Variants in LHFPL3 observed in about 807,000 individuals in gnomAD.
LHFPL3 encodes the protein LHFPL tetraspan subfamily member 3, also known as LHFPL tetraspan subfamily member 3 protein.
A neutral mutation model predicts 19.3 loss-of-function variants in LHFPL3; 5 were observed. The observed-to-expected ratio is 0.26, with a 90% CI of 0.14 to 0.54. The LOEUF (loss-of-function observed/expected upper bound fraction) is 0.54, where lower values mean the gene tolerates loss of function less well. Among genes scored for constraint, LHFPL3 ranks in the 20% least tolerant of loss-of-function variants. LHFPL3 has a pLI of 0.94. For synonymous variants in LHFPL3, 133 were observed against 126.2 expected (o/e 1.05, Z -0.36); for missense variants, 249 against 307.4 (o/e 0.81, Z 1.42).
chr7:104,754,199 T>C (rs919681646), intron 2 of LHFPL3, among the ~76,000 whole-genome samples: 2 of 152,054 alleles, frequency 1.3e-5, no homozygotes, highest in African/African-American at 4.8e-5. Flanking sequence ...TAGCGAAGTG[T>C]ATGGATCTTA....
intron 2 of LHFPL3, among the ~76,000 whole-genome samples, chr7:104,893,251 C>T (rs1297840104): frequency 6.6e-6 from 1 of 151,552 alleles, no homozygotes; most frequent in African/African-American, 2.4e-5. Context: ...CGGTGGCTGA[C>T]ACCTGTAATC....
At chr7:104,521,536 ATGGG>A (rs903469190) in intron 1 of LHFPL3, among the ~76,000 whole-genome samples, 43 of 152,166 alleles carry the variant, frequency 2.8e-4, no homozygotes, top group African/African-American at 9.9e-4. Context: ...AAATTGACAA[ATGGG>A]ATCTAATTAA....
chr7:104,727,785 A>G (rs1158544279), intron 1 of LHFPL3, among the ~76,000 whole-genome samples: 5 of 152,192 alleles, frequency 3.3e-5, no homozygotes, highest in Non-Finnish European at 7.4e-5. Flanking sequence ...GTTCAACCCA[A>G]GTGTAAAAGT....
At chr7:104,711,214 G>A (rs939130425) in intron 1 of LHFPL3, among the ~76,000 whole-genome samples, 3 of 152,228 alleles carry the variant, frequency 2.0e-5, no homozygotes, top group African/African-American at 2.4e-5. Flanking sequence ...TTTTAAGATA[G>A]AAACGAGACA....
intron 1 of LHFPL3, among the ~76,000 whole-genome samples, chr7:104,645,745 C>G (rs920594382): frequency 6.9e-6 from 1 of 144,098 alleles, no homozygotes; most frequent in Non-Finnish European, 1.5e-5. Flanking sequence ...ACTGCAAGCT[C>G]CGCCTCCCGG....
intron 2 of LHFPL3, among the ~76,000 whole-genome samples, chr7:104,857,168 T>C (rs1562816157): frequency 2.0e-5 from 3 of 152,206 alleles, no homozygotes; most frequent in African/African-American, 2.4e-5. Flanking sequence ...ATTTGACTAG[T>C]AGGCGATGCA....
chr7:104,710,129 C>T (rs1463903136), intron 1 of LHFPL3, among the ~76,000 whole-genome samples: 3 of 152,200 alleles, frequency 2.0e-5, no homozygotes, highest in Non-Finnish European at 2.9e-5. Context: ...GAGACCAGCC[C>T]GGCCAACACG....
At chr7:104,783,552 C>T (rs968316691) in intron 2 of LHFPL3, among the ~76,000 whole-genome samples, 4 of 152,190 alleles carry the variant, frequency 2.6e-5, no homozygotes, top group Middle Eastern at 3.4e-3. Context: ...TGTAATGCAC[C>T]GACGATATTT....
chr7:104,388,219 G>T (rs1299560052), intron 1 of LHFPL3, among the ~76,000 whole-genome samples: 2 of 152,018 alleles, frequency 1.3e-5, no homozygotes, highest in East Asian at 1.9e-4. Flanking sequence ...CCATGTCTTT[G>T]TTATTGTGAA....
chr7:104,359,094 C>A (rs539712194), intron 1 of LHFPL3, among the ~76,000 whole-genome samples: 1 of 152,194 alleles, frequency 6.6e-6, no homozygotes, highest in African/African-American at 2.4e-5. Flanking sequence ...TGCAGAGATA[C>A]ACAAAGAGGG....
intron 1 of LHFPL3, among the ~76,000 whole-genome samples, chr7:104,478,498 C>A (rs1793069555): frequency 1.3e-5 from 2 of 152,086 alleles, no homozygotes; most frequent in African/African-American, 4.8e-5. Context: ...CCTCCTCAAG[C>A]AAAATGGCAG....
intron 1 of LHFPL3, among the ~76,000 whole-genome samples, chr7:104,577,264 C>T (rs1281481723): frequency 6.6e-6 from 1 of 152,052 alleles, no homozygotes; most frequent in Non-Finnish European, 1.5e-5. Flanking sequence ...ACAATGCACT[C>T]AAGGAGAGGC....
chr7:104,362,213 G>A (rs1290810028), intron 1 of LHFPL3, among the ~76,000 whole-genome samples: 3 of 152,154 alleles, frequency 2.0e-5, no homozygotes, highest in African/African-American at 7.2e-5. Context: ...ACAACTAAGA[G>A]GAAAAGTCAG....
At chr7:104,882,965 C>G (rs558167046) in intron 2 of LHFPL3, among the ~76,000 whole-genome samples, 1 of 152,238 alleles carries the variant, frequency 6.6e-6, no homozygotes, top group African/African-American at 2.4e-5. Context: ...GTGCTAAAAC[C>G]AGAAAAGTCC....
intron 1 of LHFPL3, among the ~76,000 whole-genome samples, chr7:104,446,410 A>G (rs1175755387): frequency 6.6e-6 from 1 of 152,224 alleles, no homozygotes; most frequent in African/African-American, 2.4e-5. Flanking sequence ...TCCAAGTTGT[A>G]GTCACCATGT....
At chr7:104,710,859 T>C (rs192792471) in intron 1 of LHFPL3, among the ~76,000 whole-genome samples, 2 of 152,372 alleles carry the variant, frequency 1.3e-5, no homozygotes, top group East Asian at 1.9e-4. Flanking sequence ...CAATATTTTT[T>C]CTTTTCTTCA....
chr7:104,574,750 T>C (rs1415217330), intron 1 of LHFPL3, among the ~76,000 whole-genome samples: 2 of 152,228 alleles, frequency 1.3e-5, no homozygotes, highest in Admixed American at 6.5e-5. Flanking sequence ...TAAGAATTTA[T>C]GTATTTGCTT....
intron 2 of LHFPL3, among the ~76,000 whole-genome samples, chr7:104,806,032 C>G (rs1392829102): frequency 6.6e-6 from 1 of 152,168 alleles, no homozygotes; most frequent in Non-Finnish European, 1.5e-5. Flanking sequence ...GTAATTAAAG[C>G]CTGCTGCAGG....
chr7:104,885,180 C>T (rs967192417), intron 2 of LHFPL3, among the ~76,000 whole-genome samples: 46 of 152,316 alleles, frequency 3.0e-4, no homozygotes, highest in African/African-American at 1.1e-3. Context: ...CAATATGAAG[C>T]TGCCCAGTTC....
Sources: gnomAD v4.1 joint callset for allele counts (sites outside exome capture counted in the v4.1 genomes callset) on GRCh38, gnomAD v4.1.1 for gene constraint, MANE v1.5 for transcripts, NCBI Gene and HGNC (gene_info 2026-07-23, HGNC 2026-07-21) for gene names.